USP2: variants seen among roughly 807,000 people sequenced by gnomAD.
The protein encoded by USP2 is ubiquitin specific peptidase 2.
USP2 carries 33 observed loss-of-function variants against 72.0 expected under a neutral mutation model. That is an observed-to-expected ratio of 0.46 (90% CI 0.35 to 0.61). The LOEUF (loss-of-function observed/expected upper bound fraction) is 0.61, where lower values mean the gene tolerates loss of function less well. Ranked by LOEUF, USP2 falls within the 20% of genes least tolerant of loss-of-function variation. USP2 has a pLI of 0.01. For missense variants in USP2, 691 were observed against 797.8 expected, an observed-to-expected ratio of 0.87 and a Z score of 1.61; for synonymous variants, 296 against 312.5, an observed-to-expected ratio of 0.95 and a Z score of 0.56.
At chr11:119,369,830 G>T (rs1250180589) in intron 2 of USP2, among the ~76,000 whole-genome samples, 1 of 152,004 alleles carries the variant, frequency 6.6e-6, no homozygotes, top group Non-Finnish European at 1.5e-5. Flanking sequence ...CTCCCTTTCC[G>T]TCCACCTGTG....
At chr11:119,377,822 C>T (rs1303272507) in intron 1 of USP2, among the ~76,000 whole-genome samples, 2 of 152,244 alleles carry the variant, frequency 1.3e-5, no homozygotes, top group South Asian at 2.1e-4. Flanking sequence ...AGGGGAGGGA[C>T]TTGCTCCCCA....
intron 1 of USP2, among the ~76,000 whole-genome samples, chr11:119,375,798 C>T (rs938017416): frequency 6.6e-5 from 10 of 152,292 alleles, no homozygotes; most frequent in East Asian, 1.9e-4. Context: ...CTTCGGGCAG[C>T]GCCCCAAGCC....
intron 7 of USP2, 25 bp downstream of exon 7, chr11:119,358,748 G>T (rs1363234123): frequency 3.1e-6 from 5 of 1,613,294 alleles, no homozygotes; most frequent in Non-Finnish European, 4.2e-6. Context: ...AGTGAAAACA[G>T]GCATCTTCCC....
intron 1 of USP2, among the ~76,000 whole-genome samples, chr11:119,378,291 T>C (rs1210917649): frequency 1.7e-5 from 2 of 117,474 alleles, no homozygotes; most frequent in South Asian, 3.0e-4. Flanking sequence ...GAGGGAATCC[T>C]GGCAGGTGTA....
chr11:119,362,099 C>T (rs1950773242), intron 2 of USP2, among the ~76,000 whole-genome samples: 1 of 152,300 alleles, frequency 6.6e-6, no homozygotes, highest in East Asian at 1.9e-4. Flanking sequence ...TGACATCTGT[C>T]TAAACAGGCT....
chr11:119,379,368 G>T, intron 1 of USP2: 1 of 705,234 alleles, frequency 1.4e-6, no homozygotes, highest in Non-Finnish European at 1.7e-6. Context: ...AGAGCACAGA[G>T]GGGTGGGGGT....
intron 2 of USP2, among the ~76,000 whole-genome samples, chr11:119,368,151 G>A (rs1329263210): frequency 1.3e-5 from 2 of 152,220 alleles, no homozygotes; most frequent in East Asian, 1.9e-4. Flanking sequence ...CTTCGCAGCA[G>A]CTAGTACAGC....
At chr11:119,361,006 T>C (rs779280899) in intron 2 of USP2, among the ~76,000 whole-genome samples, 3 of 152,142 alleles carry the variant, frequency 2.0e-5, no homozygotes, top group Non-Finnish European at 4.4e-5. Context: ...TTTTGAAAAG[T>C]TAAACAACAA....
Position 119,373,254 on chromosome 11 carries a change from C to A in USP2, c.227G>T (p.Arg76Leu). ...GTCGGGTCTCAGCAGGGGGCGGCCCCGGTCATAGTCCAGGAGGGAGGAGGG... is the reference window on the plus strand; with the variant it reads ...GTCGGGTCTCAGCAGGGGGCGGCCCAGGTCATAGTCCAGGAGGGAGGAGGG... ...YGPSSLLDYDRGRPLLRPDIT... is the reference protein window; with the variant it reads ...YGPSSLLDYDLGRPLLRPDIT... The change falls in exon 2 of 13, where the codon CGG becomes CTG. Residue 76 changes from arginine (R) to leucine (L), a missense_variant. By Grantham distance (102) the Arg-to-Leu change is moderately radical. Coordinates refer to ENST00000260187, the MANE Select transcript of USP2 (RefSeq NM_004205.5). 6.2e-7 allele frequency: 1 copy of A among 1,613,818 alleles called. No homozygotes were observed. Among genetic ancestry groups the A allele is most frequent in the Non-Finnish European group, 8.5e-7 (1 of 1,179,864 alleles).
In USP2 at chr11:119,357,769, T is replaced by C. The variant is rs756219325; in HGVS notation, c.1489A>G (p.Ile497Val). Residue 497 changes from isoleucine (I) to valine (V), a missense_variant, in exon 10 of 13, where the codon ATC becomes GTC. Ile to Val is a conservative substitution (Grantham distance 29, BLOSUM62 3). Coordinates refer to ENST00000260187, the MANE Select transcript of USP2 (RefSeq NM_004205.5). ...ATCTTAAGGATACGGAGCACCAAGA[T>C]CTTTGGGAACCTCTGGATGGAGAAC... ...KKFSIQRFPK[I>V]LVLHLKRFSE... 1 of 1,613,932 alleles carries C rather than the reference T, an allele frequency of 6.2e-7. No individual in the cohort carries two copies. Among genetic ancestry groups the C allele is most frequent in the Non-Finnish European group, 8.5e-7 (1 of 1,180,038 alleles).
At chr11:119,357,048 GT>G (rs1238261558) in intron 12 of USP2, 126 bp from the exon 13 acceptor site, 12 of 1,351,806 alleles carry the variant, frequency 8.9e-6, no homozygotes, top group Non-Finnish European at 5.0e-6. Context: ...CAGCGGCTTC[GT>G]GGCCTTAAAC....
chr11:119,358,370 G>A, intron 7 of USP2, 118 bp from the exon 8 acceptor site: 3 of 905,762 alleles, frequency 3.3e-6, no homozygotes, highest in Non-Finnish European at 5.1e-6. Flanking sequence ...AGGCTGAAGT[G>A]CAGTGGTGCA....
At chr11:119,363,816 C>A in intron 2 of USP2, 7 of 1,377,160 alleles carry the variant, frequency 5.1e-6, no homozygotes, top group Non-Finnish European at 6.6e-6. Flanking sequence ...CCCAGGCCCT[C>A]GGCGCGGGGG....
At chr11:119,371,798 C>T (rs981405915) in intron 2 of USP2, among the ~76,000 whole-genome samples, 13 of 152,294 alleles carry the variant, frequency 8.5e-5, no homozygotes, top group Admixed American at 4.6e-4. Context: ...GCCATCTACC[C>T]GTGTATCCAC....
intron 2 of USP2, chr11:119,364,300 C>G: frequency 3.5e-6 from 2 of 571,806 alleles, no homozygotes; most frequent in Non-Finnish European, 4.5e-6. Context: ...TACCCCGCCC[C>G]CGGCGCCGGC....
chr11:119,367,772 T>TG (rs1333633887), intron 2 of USP2, among the ~76,000 whole-genome samples: 1 of 152,242 alleles, frequency 6.6e-6, no homozygotes, highest in African/African-American at 2.4e-5. Flanking sequence ...GCTAGTTTTA[T>TG]GTACGTATTG....
rs1235844948 is a variant in USP2, at chr11:119,373,454, C to T, written c.27G>A (p.Lys9=). The T allele has an allele frequency of 6.3e-7, 1 of 1,593,278 alleles. No homozygotes were observed. Among genetic ancestry groups the T allele is most frequent in the East Asian group, 2.2e-5 (1 of 44,814 alleles). ...TGTAGCGGGCCGATTCTGTGTAGCG[C>T]TTCAGGGTGGAGGAGAGCTGGGACA... MSQLSSTL[K]RYTESARYTD... Residue 9 remains lysine (K), a synonymous_variant, in exon 2 of 13, where the codon AAG becomes AAA. Transcript: ENST00000260187.
chr11:119,367,806 C>T lies in USP2; in HGVS notation c.774+4901G>A, dbSNP rs1437841510. Among the ~76,000 whole-genome samples, 3 of 152,158 alleles carry T rather than the reference C, an allele frequency of 2.0e-5. No individual in the cohort carries two copies. In the East Asian group the frequency reaches 5.8e-4, roughly 29 times the overall value. On this transcript the variant is annotated intron_variant, in intron 2 of 12. Coordinates refer to ENST00000260187, the MANE Select transcript of USP2 (RefSeq NM_004205.5). Reference sequence around the variant, plus strand: ...TGAGGTGAGAGAGTACAAGGGGCCACGTGTGCAGCTTTGGGCTCTGAACAT... The same window carrying T: ...TGAGGTGAGAGAGTACAAGGGGCCATGTGTGCAGCTTTGGGCTCTGAACAT...
At chr11:119,364,194 G>C in intron 2 of USP2, 3 of 1,165,716 alleles carry the variant, frequency 2.6e-6, no homozygotes, top group Non-Finnish European at 3.2e-6. Flanking sequence ...CCCGGCTCTC[G>C]CGCTCCGGCC....
Sources: allele counts gnomAD v4.1 joint callset (sites outside exome capture counted in the v4.1 genomes callset), GRCh38; gene constraint gnomAD v4.1.1; transcripts MANE v1.5; gene names NCBI Gene and HGNC (gene_info 2026-07-23, HGNC 2026-07-21).